The following SPATC1 variants were observed in gnomAD, a reference collection of about 807,000 sequenced individuals.
SPATC1 encodes the protein speriolin.
SPATC1 carries 35 observed loss-of-function variants against 36.5 expected under a neutral mutation model. That is an observed-to-expected ratio of 0.96 (90% CI 0.73 to 1.27). The LOEUF is 1.27. SPATC1 is among the 50% of genes most tolerant of loss of function. The pLI is 0.00. For missense variants in SPATC1, 779 were observed against 796.0 expected (o/e 0.98, Z 0.26); for synonymous variants, 361 against 353.6 (o/e 1.02, Z -0.24).
chr8:144,044,278 C>T (rs1475477790), intron 4 of SPATC1, among the ~76,000 whole-genome samples: 15 of 150,382 alleles, frequency 1.0e-4, no homozygotes, highest in African/African-American at 3.2e-4. Flanking sequence ...ATCTTGGATG[C>T]CCTGCCTTCC....
chr8:144,014,431 AGAAG>A (rs1366912402), intron 1 of SPATC1, among the ~76,000 whole-genome samples: 1 of 151,390 alleles, frequency 6.6e-6, no homozygotes, highest in Non-Finnish European at 1.5e-5. Flanking sequence ...AGAGGAAGAA[AGAAG>A]GAAGAAGAAG....
chr8:144,019,521 C>T (rs935558170), intron 1 of SPATC1, among the ~76,000 whole-genome samples: 1 of 152,304 alleles, frequency 6.6e-6, no homozygotes, highest in East Asian at 1.9e-4. Flanking sequence ...GACTTGGCCC[C>T]GTGCACGGGC....
chr8:144,027,396 G>A (rs1172352529), intron 1 of SPATC1, among the ~76,000 whole-genome samples: 1 of 152,162 alleles, frequency 6.6e-6, no homozygotes, highest in African/African-American at 2.4e-5. Flanking sequence ...TGTTTGGGTT[G>A]TCTTTTCACT....
rs782550159 is a variant in SPATC1, at chr8:144,040,383, T to A, written c.686T>A (p.Leu229Gln). The stretch of plus-strand genomic sequence containing the variant: ...CTGGTCCTGCCAGAGGCCCCAAGGC[T>A]GCGGCTGGCTGAGCCACTCCGCGGA... ...SNLVLPEAPR[L>Q]RLAEPLRGGP... The change falls in exon 2 of 5, where the codon CTG becomes CAG. Residue 229 changes from leucine to glutamine, a missense_variant. By Grantham distance (113) the Leu-to-Gln change is moderately radical (BLOSUM62 -2). Coordinates refer to ENST00000377470, the MANE Select transcript of SPATC1 (RefSeq NM_198572.3). 1 of 1,612,388 alleles carries A rather than the reference T, an allele frequency of 6.2e-7. No homozygotes were observed. Among genetic ancestry groups the A allele is most frequent in the South Asian group, 1.1e-5 (1 of 91,066 alleles).
chr8:144,032,426 C>T (rs1206429631), intron 1 of SPATC1, among the ~76,000 whole-genome samples: 17 of 151,856 alleles, frequency 1.1e-4, no homozygotes, highest in African/African-American at 2.4e-4. Flanking sequence ...TAAAGGTGCC[C>T]GCCACCATGC....
chr8:144,027,954 C>T (rs1031606329), intron 1 of SPATC1, among the ~76,000 whole-genome samples: 15 of 151,594 alleles, frequency 9.9e-5, no homozygotes, highest in African/African-American at 2.2e-4. Context: ...GATGGTGGCA[C>T]GGCACTCCAG....
At chr8:144,041,399 A>AG in intron 4 of SPATC1, 28 bp downstream of exon 4, 1 of 1,600,660 alleles carries the variant, frequency 6.2e-7, no homozygotes, top group Non-Finnish European at 8.5e-7. Flanking sequence ...CTGCAGGGAC[A>AG]GGGGGCAGGT....
In SPATC1 at chr8:144,046,691, A is replaced by T. The variant is rs782434193; in HGVS notation, c.1511A>T (p.Tyr504Phe). Residue 504 changes from tyrosine to phenylalanine, a missense_variant, in exon 5 of 5, where the codon TAT (tyrosine) becomes TTT (phenylalanine). Transcript: ENST00000377470. This position sits in a 1 kb window ranked among gnomAD's most constrained non-coding sequence, Gnocchi z 6.6. ...EKLCQRLTQRYVSVMNRLQSL... is the reference protein window; with the variant it reads ...EKLCQRLTQRFVSVMNRLQSL... ...CTGTGCCAGAGGCTCACACAGCGCT[A>T]TGTGAGCGTCATGAACAGGCTGCAG... The T allele has an allele frequency of 6.2e-7, 1 of 1,612,422 alleles. No individual in the cohort carries two copies. The highest frequency in any genetic ancestry group is 1.1e-5 in the South Asian group (1 of 91,072).
At chr8:144,033,071 CAAAA>C (rs1305550907) in intron 1 of SPATC1, among the ~76,000 whole-genome samples, 1 of 128,378 alleles carries the variant, frequency 7.8e-6, no homozygotes. Flanking sequence ...CAACAAACAG[CAAAA>C]AAAAAAAAAA....
In SPATC1 at chr8:144,046,555, C is replaced by T. The variant is rs992817629; in HGVS notation, c.1447-72C>T. On this transcript the variant is annotated intron_variant, in intron 4 of 4. Transcript: ENST00000377470. The surrounding 1 kb of genome is among the most constrained non-coding windows in gnomAD (Gnocchi z 6.6). ...CCATCTCACAGCCTCACCTGCCCCT[C>T]GGTCTTCCCCTTACCTGCCTGTGTG... The T allele has an allele frequency of 4.1e-5, 58 of 1,419,956 alleles. No homozygotes were observed. In the African/African-American group the frequency reaches 5.6e-4, roughly 14 times the overall value. The allele number at this position is 1,419,956 out of a possible 1,614,324, so 88.0% of individuals were successfully genotyped here. A position where few individuals can be genotyped will look rare whatever the true frequency, so the allele number is the denominator to read the frequency against.
chr8:144,042,045 T>C (rs782203118), intron 4 of SPATC1: 2 of 978,098 alleles, frequency 2.0e-6, no homozygotes, highest in Non-Finnish European at 2.4e-6. Context: ...CACTCCAGCC[T>C]GGGCAACAAA....
intron 1 of SPATC1, among the ~76,000 whole-genome samples, chr8:144,038,020 G>A (rs542684734): frequency 1.7e-4 from 25 of 151,484 alleles, no homozygotes; most frequent in African/African-American, 4.4e-4. Flanking sequence ...TCCCAGCTAC[G>A]CGAGGCTGAG....
At chr8:144,020,576 CCTTCT>C in intron 1 of SPATC1, among the ~76,000 whole-genome samples, 1 of 150,996 alleles carries the variant, frequency 6.6e-6, no homozygotes, top group Non-Finnish European at 1.5e-5. Flanking sequence ...CCCCTCAGGA[CCTTCT>C]CCCCTCAGAA....
At position 144,012,722 on chromosome 8, in the gene SPATC1, C is replaced by T. The variant is rs1179413598; in HGVS notation, c.207C>T (p.Asn69=). 6.4e-7 allele frequency: 1 copy of T among 1,551,644 alleles called. No homozygotes were observed. The highest frequency in any genetic ancestry group is 8.7e-7 in the Non-Finnish European group (1 of 1,146,966). The change falls in exon 1 of 5, where the codon AAC becomes AAT. Residue 69 remains asparagine (N), a synonymous_variant. Coordinates refer to ENST00000377470, the MANE Select transcript of SPATC1 (RefSeq NM_198572.3). ...CAGCAGGCCTTTCCTCACGCCAGAA[C>T]AATGGTAAGAGGCCTCGCTCCCAAG... ...EATAGLSSRQ[N]NGVFLPPSPA... is the part of the protein sequence containing the mutation.
intron 1 of SPATC1, 42 bp downstream of exon 1, chr8:144,012,768 G>C: frequency 6.5e-7 from 1 of 1,545,134 alleles, no homozygotes; most frequent in Non-Finnish European, 8.8e-7. Context: ...GGGAAGTGGG[G>C]ACTGCACCAG....
chr8:144,013,475 G>C (rs1834320646), intron 1 of SPATC1, among the ~76,000 whole-genome samples: 1 of 152,110 alleles, frequency 6.6e-6, no homozygotes, highest in Non-Finnish European at 1.5e-5. Context: ...AGCCCTTCAG[G>C]CTTGTGCTCA....
chr8:144,047,098 G>C lies in SPATC1; in HGVS notation c.*142G>C, dbSNP rs1181136344. ...CCTCTGGGGTGGCTCACCGGGCCCC[G>C]GCACCGTGCCCCTTCAGCCCTGTCT... On this transcript the variant is annotated 3_prime_UTR_variant, in exon 5 of 5. Coordinates refer to ENST00000377470, the MANE Select transcript of SPATC1 (RefSeq NM_198572.3). The surrounding 1 kb of genome is among the most constrained non-coding windows in gnomAD (Gnocchi z 4.1). 1.4e-5 allele frequency: 14 copies of C among 984,896 alleles called. No individual in the cohort carries two copies. Among genetic ancestry groups the C allele is most frequent in the Non-Finnish European group, 2.0e-5 (14 of 684,488 alleles). The allele number at this position is 984,896 out of a possible 1,614,324, so 61.0% of individuals were successfully genotyped here.
chr8:144,044,175 T>C (rs1016590460), intron 4 of SPATC1, among the ~76,000 whole-genome samples: 1 of 152,054 alleles, frequency 6.6e-6, no homozygotes, highest in Non-Finnish European at 1.5e-5. Flanking sequence ...ACATCAATAA[T>C]AGAGGTGATG....
At chr8:144,028,897 T>G (rs1834737689) in intron 1 of SPATC1, among the ~76,000 whole-genome samples, 1 of 152,116 alleles carries the variant, frequency 6.6e-6, no homozygotes, top group Admixed American at 6.6e-5. Flanking sequence ...TCATGTCCTT[T>G]GCAGGGACAT....
Sources: allele counts gnomAD v4.1 joint callset (sites outside exome capture counted in the v4.1 genomes callset), GRCh38; gene constraint gnomAD v4.1.1; non-coding constraint Gnocchi (gnomAD v3.1); transcripts MANE v1.5; gene names NCBI Gene and HGNC (gene_info 2026-07-23, HGNC 2026-07-21).